SP4: variants seen among roughly 807,000 people sequenced by gnomAD.
The protein encoded by SP4 is Sp4 transcription factor, also known as transcription factor Sp4.
A neutral mutation model predicts 72.8 loss-of-function variants in SP4; 19 were observed. The observed-to-expected ratio is 0.26, with a 90% CI of 0.18 to 0.38. The LOEUF is 0.38. SP4 is among the 10% of genes least tolerant of loss of function. SP4 has a pLI of 1.00. For missense variants in SP4, 1,008 were observed against 926.3 expected (o/e 1.09, Z -1.14); for synonymous variants, 395 against 333.1 (o/e 1.19, Z -2.02).
At chr7:21,481,142 A>C (rs1458917352) in intron 4 of SP4, among the ~76,000 whole-genome samples, 2 of 152,172 alleles carry the variant, frequency 1.3e-5, no homozygotes, top group South Asian at 4.1e-4. Context: ...GCCACATCCA[A>C]GGTAGAGTCT....
intron 4 of SP4, among the ~76,000 whole-genome samples, chr7:21,479,610 G>A (rs1200203372): frequency 6.6e-6 from 1 of 152,044 alleles, no homozygotes; most frequent in Non-Finnish European, 1.5e-5. Context: ...TGACTCTTTC[G>A]GGACACTTGC....
In SP4 at chr7:21,430,316, A is replaced by G; in HGVS notation, c.1151A>G (p.Gln384Arg). Reference protein sequence around the residue: ...SSSQLQPNGMQNAQDQSNSLQ... With the variant: ...SSSQLQPNGMRNAQDQSNSLQ... ...AGTCAGCTTCAGCCTAATGGAATGC[A>G]GAATGCACAGGATCAATCAAATTCT... Residue 384 changes from glutamine (Q) to arginine (R), a missense_variant, in exon 3 of 6, where the codon CAG becomes CGG. Physicochemically the swap from Gln to Arg is conservative, Grantham distance 43 (BLOSUM62 1). Around this residue, in one of 3 missense-constraint regions of SP4, gnomAD observed 893 missense variants for 743.3 expected, o/e 1.20. Transcript: ENST00000222584. 6.2e-7 allele frequency: 1 copy of G among 1,614,272 alleles called. No homozygotes were observed. Among genetic ancestry groups the G allele is most frequent in the Non-Finnish European group, 8.5e-7 (1 of 1,180,052 alleles).
chr7:21,486,701 A>G (rs540202048), intron 5 of SP4, among the ~76,000 whole-genome samples: 280 of 152,258 alleles, frequency 1.8e-3, no homozygotes, highest in African/African-American at 5.8e-3. Context: ...ACCCTGATGT[A>G]TTGGTTAATG....
chr7:21,494,497 A>G (rs989756626), intron 5 of SP4, among the ~76,000 whole-genome samples: 17 of 152,224 alleles, frequency 1.1e-4, no homozygotes, highest in Admixed American at 3.3e-4. Context: ...GAATAACGGG[A>G]TATAAGTAGT....
intron 3 of SP4, among the ~76,000 whole-genome samples, chr7:21,446,213 G>C (rs1783422037): frequency 6.6e-6 from 1 of 151,894 alleles, no homozygotes; most frequent in Non-Finnish European, 1.5e-5. Context: ...GCTCATATGG[G>C]GATATTTCTA....
chr7:21,445,313 T>G (rs1783387311), intron 3 of SP4, among the ~76,000 whole-genome samples: 1 of 152,114 alleles, frequency 6.6e-6, no homozygotes, highest in African/African-American at 2.4e-5. Flanking sequence ...TGAGATGTCA[T>G]TAGATAGGAA....
chr7:21,508,943 A>G (rs1444553932), intron 5 of SP4, among the ~76,000 whole-genome samples: 1 of 150,806 alleles, frequency 6.6e-6, no homozygotes, highest in Non-Finnish European at 1.5e-5. Flanking sequence ...CTTATTATCG[A>G]TTGATTGTGA....
intron 4 of SP4, among the ~76,000 whole-genome samples, 154 bp downstream of exon 4, chr7:21,477,461 A>G (rs1405016855): frequency 6.6e-6 from 1 of 152,236 alleles, no homozygotes; most frequent in Admixed American, 6.5e-5. Flanking sequence ...AAGTTGGGCT[A>G]TTTTAGGAAT....
At chr7:21,456,953 G>C (rs534358234) in intron 3 of SP4, among the ~76,000 whole-genome samples, 1 of 152,266 alleles carries the variant, frequency 6.6e-6, no homozygotes, top group South Asian at 2.1e-4. Context: ...GAATAGTTCT[G>C]GGGGTTGGTT....
At chr7:21,503,928 G>A (rs1781930039) in intron 5 of SP4, among the ~76,000 whole-genome samples, 1 of 152,142 alleles carries the variant, frequency 6.6e-6, no homozygotes, top group Non-Finnish European at 1.5e-5. Flanking sequence ...GACTCCATTT[G>A]TGTAATGTAG....
intron 5 of SP4, among the ~76,000 whole-genome samples, chr7:21,502,044 C>CCA (rs1781879352): frequency 9.2e-6 from 1 of 108,644 alleles, no homozygotes; most frequent in African/African-American, 3.6e-5. Context: ...TTAGGCACCC[C>CCA]CCCCCCCCCG....
chr7:21,437,811 A>T (rs1378498431), intron 3 of SP4, among the ~76,000 whole-genome samples: 1 of 152,190 alleles, frequency 6.6e-6, no homozygotes, highest in Non-Finnish European at 1.5e-5. Flanking sequence ...CTTGTGAGAT[A>T]CTTCTGCAAT....
rs111851304 is a variant in SP4, at chr7:21,433,134, T to A, written c.1678+2291T>A. Among the ~76,000 whole-genome samples, 896 of 152,282 alleles carry A rather than the reference T, an allele frequency of 5.9e-3. 5 individuals are homozygous for A. The highest frequency in any genetic ancestry group is 0.014 in the Middle Eastern group (4 of 294). The stretch of plus-strand genomic sequence containing the variant: ...AACAGATTTTGGTGGCAACTACAAC[T>A]TTTTAGTTTTTATTTCACAAGTGTG... On this transcript the variant is annotated intron_variant, in intron 3 of 5. Coordinates refer to ENST00000222584, the MANE Select transcript of SP4 (RefSeq NM_003112.5).
At chr7:21,488,334 G>C (rs1784878235) in intron 5 of SP4, among the ~76,000 whole-genome samples, 1 of 151,970 alleles carries the variant, frequency 6.6e-6, no homozygotes, top group African/African-American at 2.4e-5. Flanking sequence ...TCTATGTATG[G>C]ACTTTAATTT....
chr7:21,484,096 T>C (rs1430138253), intron 5 of SP4, among the ~76,000 whole-genome samples: 1 of 151,866 alleles, frequency 6.6e-6, no homozygotes, highest in Non-Finnish European at 1.5e-5. Flanking sequence ...GAAAAAATTA[T>C]GAAATCTATT....
chr7:21,471,093 A>G (rs753846003), intron 3 of SP4: 1 of 534,776 alleles, frequency 1.9e-6, no homozygotes, highest in South Asian at 1.4e-5. Flanking sequence ...AACATTAGAG[A>G]AGACAGGAGT....
At chr7:21,497,495 GT>G (rs34946960) in intron 5 of SP4, among the ~76,000 whole-genome samples, 1 of 152,268 alleles carries the variant, frequency 6.6e-6, no homozygotes, top group East Asian at 1.9e-4. Context: ...GCTTTTGACA[GT>G]TTTTTTCCCA....
intron 3 of SP4, among the ~76,000 whole-genome samples, chr7:21,448,466 T>C (rs1783492375): frequency 6.6e-6 from 1 of 152,214 alleles, no homozygotes; most frequent in Non-Finnish European, 1.5e-5. Context: ...AGATTTAACT[T>C]AAAATGAAGG....
At chr7:21,464,122 CTTTTTTT>C (rs995083942) in intron 3 of SP4, among the ~76,000 whole-genome samples, 10 of 127,334 alleles carry the variant, frequency 7.9e-5, no homozygotes, top group Non-Finnish European at 3.3e-5. Context: ...AGGGCGCTCT[CTTTTTTT>C]TTTTTTTTTT....
Sources: allele counts gnomAD v4.1 joint callset (sites outside exome capture counted in the v4.1 genomes callset), GRCh38; gene constraint gnomAD v4.1.1; regional missense constraint gnomAD v4.1.1; transcripts MANE v1.5; gene names NCBI Gene and HGNC (gene_info 2026-07-23, HGNC 2026-07-21).